Variants in SH3RF3 observed in about 807,000 individuals in gnomAD.
SH3RF3 encodes the protein SH3 domain containing ring finger 3.
SH3RF3 carries 29 observed loss-of-function variants against 66.3 expected under a neutral mutation model. That is an observed-to-expected ratio of 0.44 (90% CI 0.33 to 0.60). The LOEUF is 0.60. Ranked by LOEUF, SH3RF3 falls within the 20% of genes least tolerant of loss-of-function variation. The pLI is 0.04. For missense variants in SH3RF3, 1,194 were observed against 1,190.9 expected (o/e 1.00, Z -0.04); for synonymous variants, 583 against 532.0 (o/e 1.10, Z -1.32).
intron 2 of SH3RF3, among the ~76,000 whole-genome samples, chr2:109,369,884 A>C (rs991847973): frequency 2.0e-5 from 3 of 152,202 alleles, no homozygotes; most frequent in African/African-American, 7.2e-5. Flanking sequence ...GAGGCCTGTA[A>C]GTCCCGAATT....
intron 4 of SH3RF3, among the ~76,000 whole-genome samples, chr2:109,412,404 G>A (rs945172969): frequency 6.6e-6 from 1 of 152,250 alleles, no homozygotes; most frequent in African/African-American, 2.4e-5. Flanking sequence ...CTTGTGCTAT[G>A]CTGGTTTGGG....
At chr2:109,415,582 C>T (rs566932582) in intron 4 of SH3RF3, among the ~76,000 whole-genome samples, 1 of 152,186 alleles carries the variant, frequency 6.6e-6, no homozygotes, top group African/African-American at 2.4e-5. Flanking sequence ...TGATGGGTTC[C>T]CTGCAAAGCT....
intron 1 of SH3RF3, among the ~76,000 whole-genome samples, chr2:109,266,765 CA>C (rs944605014): frequency 6.6e-6 from 1 of 152,192 alleles, no homozygotes; most frequent in Non-Finnish European, 1.5e-5. Flanking sequence ...TAACAAGAGA[CA>C]GGGGTGAGCG....
chr2:109,156,785 A>G (rs1677358515), intron 1 of SH3RF3, among the ~76,000 whole-genome samples: 1 of 152,102 alleles, frequency 6.6e-6, no homozygotes, highest in Admixed American at 6.5e-5. Context: ...GGGTTGTTGT[A>G]GGAGATAGAA....
intron 1 of SH3RF3, among the ~76,000 whole-genome samples, chr2:109,320,718 G>A (rs1302838169): frequency 6.6e-6 from 1 of 152,236 alleles, no homozygotes; most frequent in Non-Finnish European, 1.5e-5. Context: ...CAGCCCCGCA[G>A]ATGAACAGAC....
chr2:109,131,902 G>A (rs541925235), intron 1 of SH3RF3, among the ~76,000 whole-genome samples: 1 of 152,286 alleles, frequency 6.6e-6, no homozygotes, highest in East Asian at 1.9e-4. Flanking sequence ...AGTCCCGCAT[G>A]GTGTATTCAC....
intron 1 of SH3RF3, among the ~76,000 whole-genome samples, chr2:109,162,190 G>C (rs1435857617): frequency 2.6e-5 from 4 of 152,178 alleles, no homozygotes; most frequent in Non-Finnish European, 4.4e-5. Context: ...AGATACCATG[G>C]ACCTTACTTT....
At chr2:109,206,655 AT>A (rs1215392456) in intron 1 of SH3RF3, among the ~76,000 whole-genome samples, 1 of 151,998 alleles carries the variant, frequency 6.6e-6, no homozygotes, top group African/African-American at 2.4e-5. Flanking sequence ...CAAAAAAAAA[AT>A]TTTTTTTAAA....
intron 3 of SH3RF3, among the ~76,000 whole-genome samples, chr2:109,376,019 G>A (rs979791790): frequency 6.6e-6 from 1 of 152,268 alleles, no homozygotes; most frequent in Non-Finnish European, 1.5e-5. Context: ...CAGACGTCAT[G>A]GGCTAGCCAT....
chr2:109,240,216 G>C (rs111413142), intron 1 of SH3RF3, among the ~76,000 whole-genome samples: 1 of 152,202 alleles, frequency 6.6e-6, no homozygotes, highest in African/African-American at 2.4e-5. Context: ...AATCAGGGTT[G>C]AAGCCAGGCA....
chr2:109,401,973 G>C (rs1388669742), intron 4 of SH3RF3, among the ~76,000 whole-genome samples: 1 of 152,206 alleles, frequency 6.6e-6, no homozygotes, highest in African/African-American at 2.4e-5. Flanking sequence ...TCATGGCCAG[G>C]CTACTGACTT....
At chr2:109,278,716 T>C (rs1243834775) in intron 1 of SH3RF3, among the ~76,000 whole-genome samples, 1 of 152,214 alleles carries the variant, frequency 6.6e-6, no homozygotes, top group Non-Finnish European at 1.5e-5. Context: ...CAGAGCCATG[T>C]CTTCATGGTG....
chr2:109,342,492 A>G (rs1317319760), intron 1 of SH3RF3, among the ~76,000 whole-genome samples: 4 of 152,220 alleles, frequency 2.6e-5, no homozygotes, highest in African/African-American at 9.7e-5. Context: ...GCAGGTGGTG[A>G]GAGCCGTGAC....
intron 1 of SH3RF3, among the ~76,000 whole-genome samples, chr2:109,200,867 C>T (rs1459456068): frequency 6.6e-6 from 1 of 152,236 alleles, no homozygotes; most frequent in Admixed American, 6.5e-5. Flanking sequence ...CTCAGCCTGT[C>T]ATGGGGTTTC....
chr2:109,402,094 G>A (rs1676331424), intron 4 of SH3RF3, among the ~76,000 whole-genome samples: 1 of 152,256 alleles, frequency 6.6e-6, no homozygotes, highest in Non-Finnish European at 1.5e-5. Flanking sequence ...TGGTGCAGGT[G>A]TGAGCTGTGT....
chr2:109,274,627 G>A (rs1680707595), intron 1 of SH3RF3, among the ~76,000 whole-genome samples: 1 of 152,216 alleles, frequency 6.6e-6, no homozygotes, highest in Non-Finnish European at 1.5e-5. Flanking sequence ...CATGGGCTGA[G>A]AAGAGGCGGC....
At chr2:109,161,417 T>A (rs1315364973) in intron 1 of SH3RF3, among the ~76,000 whole-genome samples, 1 of 152,016 alleles carries the variant, frequency 6.6e-6, no homozygotes, top group Non-Finnish European at 1.5e-5. Flanking sequence ...TTCTGTCCAG[T>A]GGGAATGTGA....
chr2:109,391,908 C>T (rs1227783135), intron 3 of SH3RF3, among the ~76,000 whole-genome samples: 1 of 151,874 alleles, frequency 6.6e-6, no homozygotes, highest in African/African-American at 2.4e-5. Context: ...GGCGTGACCT[C>T]TCAGGCTCAA....
chr2:109,284,076 C>T (rs1485660356), intron 1 of SH3RF3, among the ~76,000 whole-genome samples: 1 of 152,120 alleles, frequency 6.6e-6, no homozygotes, highest in Non-Finnish European at 1.5e-5. Flanking sequence ...CTTGTCCTGC[C>T]CCCTGGCCTT....
Sources: allele counts gnomAD v4.1 joint callset (sites outside exome capture counted in the v4.1 genomes callset), GRCh38; gene constraint gnomAD v4.1.1; transcripts MANE v1.5; gene names NCBI Gene and HGNC (gene_info 2026-07-23, HGNC 2026-07-21).